MYOF: variants seen among roughly 807,000 people sequenced by gnomAD.
MYOF encodes fer-1-like 3, myoferlin.
A neutral mutation model predicts 284.2 loss-of-function variants in MYOF; 244 were observed. That is an observed-to-expected ratio of 0.86 (90% CI 0.77 to 0.95). The LOEUF (loss-of-function observed/expected upper bound fraction) is 0.95. Ranked by LOEUF, MYOF falls within the 40% of genes least tolerant of loss-of-function variation. The pLI is 0.00. For missense variants in MYOF, 2,496 were observed against 2,560.6 expected (o/e 0.97, Z 0.54); for synonymous variants, 904 against 919.7 (o/e 0.98, Z 0.31).
intron 18 of MYOF, among the ~76,000 whole-genome samples, chr10:93,388,188 C>G (rs1053087336): frequency 9.3e-5 from 12 of 128,900 alleles, no homozygotes; most frequent in African/African-American, 3.3e-4. Flanking sequence ...AAACCATGCT[C>G]TAGCTCCAGA....
chr10:93,328,105 C>T (rs1690492596), intron 45 of MYOF, among the ~76,000 whole-genome samples: 2 of 152,158 alleles, frequency 1.3e-5, no homozygotes, highest in South Asian at 4.1e-4. Context: ...ACGAATCAAG[C>T]TGAGGAGCAG....
At chr10:93,335,836 C>A (rs1843575481) in intron 41 of MYOF, 85 bp downstream of exon 41, 1 of 1,501,894 alleles carries the variant, frequency 6.7e-7, no homozygotes, top group Non-Finnish European at 8.9e-7. Flanking sequence ...ATGTGCCCCT[C>A]CCTAGAGCCT....
Position 93,310,552 on chromosome 10 carries a change from G to A in MYOF, c.5981C>T (p.Pro1994Leu). Residue 1994 changes from proline (P) to leucine (L), a missense_variant, in exon 52 of 54, where the codon CCC becomes CTC. Transcript: ENST00000359263. The stretch of plus-strand genomic sequence containing the variant: ...CTCTCACTTTGGTAAGTCCAGCTTG[G>A]GGTTCATGTTGGGTTCGTCCCGCCC... ...GKGRDEPNMN[P>L]KLDLPNRPET... 6.2e-7 allele frequency: 1 copy of A among 1,613,692 alleles called. No homozygotes were observed. Among genetic ancestry groups the A allele is most frequent in the Non-Finnish European group, 8.5e-7 (1 of 1,179,820 alleles).
chr10:93,391,851 G>A (rs1360444484), intron 17 of MYOF, among the ~76,000 whole-genome samples: 1 of 152,156 alleles, frequency 6.6e-6, no homozygotes, highest in Non-Finnish European at 1.5e-5. Flanking sequence ...TCCCCTTCAT[G>A]TTTTGGATTC....
At chr10:93,458,090 C>T (rs757200425) in intron 1 of MYOF, among the ~76,000 whole-genome samples, 18 of 151,994 alleles carry the variant, frequency 1.2e-4, no homozygotes, top group African/African-American at 2.7e-4. Flanking sequence ...AGGTGGTGCA[C>T]GCCTGTAATC....
intron 17 of MYOF, among the ~76,000 whole-genome samples, chr10:93,390,108 T>G (rs1428261902): frequency 6.6e-6 from 1 of 152,236 alleles, no homozygotes; most frequent in African/African-American, 2.4e-5. Flanking sequence ...CTGCTATCGA[T>G]GAGGTTGACC....
intron 1 of MYOF, among the ~76,000 whole-genome samples, chr10:93,467,732 C>T (rs538841693): frequency 1.2e-3 from 179 of 152,278 alleles, no homozygotes; most frequent in African/African-American, 4.2e-3. Flanking sequence ...CCCAAATGTC[C>T]AACAACGATA....
chr10:93,314,598 C>T (rs1315882171), intron 50 of MYOF, among the ~76,000 whole-genome samples: 1 of 152,192 alleles, frequency 6.6e-6, no homozygotes, highest in Non-Finnish European at 1.5e-5. Context: ...GGCTCAGGGA[C>T]TACCCTTCAG....
At chr10:93,450,616 C>T (rs762531461) in intron 3 of MYOF, among the ~76,000 whole-genome samples, 3 of 152,066 alleles carry the variant, frequency 2.0e-5, no homozygotes, top group Admixed American at 6.6e-5. Context: ...AACCCAGCCA[C>T]GTTGACTGCA....
At chr10:93,360,162 T>C (rs787634) in intron 28 of MYOF, among the ~76,000 whole-genome samples, 184 bp from the exon 29 acceptor site, 45,835 of 152,194 alleles carry the variant, frequency 0.3, 7,923 homozygotes, top group Non-Finnish European at 0.4. Context: ...TCATTCCCAT[T>C]CAGCTCCTCA....
In MYOF at chr10:93,323,148, T is replaced by C. The variant is rs751994192; in HGVS notation, c.5386A>G (p.Asn1796Asp). The C allele has an allele frequency of 1.2e-6, 2 of 1,614,018 alleles. No individual in the cohort carries two copies. Among genetic ancestry groups the C allele is most frequent in the African/African-American group, 2.7e-5 (2 of 74,932 alleles). Residue 1796 changes from asparagine to aspartate, a missense_variant, in exon 48 of 54, where the codon AAC becomes GAC. This residue lies in a region of MYOF where 2,436 missense variants were observed against 2,480.7 expected (regional missense o/e 0.98). Coordinates refer to ENST00000359263, the MANE Select transcript of MYOF (RefSeq NM_013451.4). ...TCGTCCAAGATAACGTCCTTGGTGT[T>C]CCAGATGATCACACGCAGGTAGTAT... The part of the protein sequence containing the change: ...KKYYLRVIIW[N>D]TKDVILDEKS...
rs898243705 is a variant in MYOF at position 93,401,549 on chromosome 10, TA to T, written c.991-6del. On this transcript the variant is annotated splice_polypyrimidine_tract_variant and splice_region_variant and intron_variant, in intron 11 of 53. Coordinates refer to ENST00000359263, the MANE Select transcript of MYOF (RefSeq NM_013451.4). ...ATCACGATCTCGTCTCTCAGGCTAT[TA>T]GGGGCACATGATTTAAATTATACAT... 3 of 1,613,752 alleles carry T rather than the reference TA, an allele frequency of 1.9e-6. No homozygotes were observed. Among genetic ancestry groups the T allele is most frequent in the Admixed American group, 1.7e-5 (1 of 59,964 alleles).
At chr10:93,353,953 A>C in intron 31 of MYOF, 65 bp from the exon 32 acceptor site, 1 of 1,290,404 alleles carries the variant, frequency 7.7e-7, no homozygotes, top group Non-Finnish European at 1.1e-6. Context: ...TTTTACTGGA[A>C]TATTTGGAAA....
At chr10:93,425,734 T>G in intron 5 of MYOF, 1 of 293,222 alleles carries the variant, frequency 3.4e-6, no homozygotes, top group Non-Finnish European at 6.5e-6. Flanking sequence ...GGCCACTCCT[T>G]GAGCCAAACA....
intron 3 of MYOF, among the ~76,000 whole-genome samples, chr10:93,448,838 T>C (rs1304041659): frequency 6.6e-6 from 1 of 152,036 alleles, no homozygotes; most frequent in Non-Finnish European, 1.5e-5. Context: ...CTGCTAAAAA[T>C]ACAAAAATTA....
At chr10:93,424,590 G>T (rs1483265620) in intron 5 of MYOF, among the ~76,000 whole-genome samples, 1 of 152,212 alleles carries the variant, frequency 6.6e-6, no homozygotes, top group Non-Finnish European at 1.5e-5. Flanking sequence ...AGGGCGATGG[G>T]CAGAGCATGC....
chr10:93,351,875 G>A (rs1197875704), intron 32 of MYOF, 29 bp from the exon 33 acceptor site: 11 of 1,558,782 alleles, frequency 7.1e-6, no homozygotes, highest in Non-Finnish European at 9.5e-6. Context: ...ATAACAACGG[G>A]GCCACGGCTA....
At position 93,333,595 on chromosome 10, in the gene MYOF, G is replaced by A. The variant is rs1843447388; in HGVS notation, c.4719+163C>T. 3.9e-5 allele frequency among the ~76,000 whole-genome samples: 6 copies of A among 152,300 alleles called. No individual in the cohort carries two copies. The South Asian group carries it at 1.2e-3, about 32-fold the overall frequency. On this transcript the variant is annotated intron_variant, in intron 42 of 53. Coordinates refer to ENST00000359263, the MANE Select transcript of MYOF (RefSeq NM_013451.4). ...ACCTTAAGCCCCCCGCAAGCTCTTA[G>A]ATAAATCCCCATGGGGACAATCCTC...
At chr10:93,412,866 C>T (rs1847958611) in intron 5 of MYOF, among the ~76,000 whole-genome samples, 1 of 152,172 alleles carries the variant, frequency 6.6e-6, no homozygotes, top group African/African-American at 2.4e-5. Context: ...TCCTCCCAAC[C>T]TTGGCACCAG....
Sources: allele counts gnomAD v4.1 joint callset (sites outside exome capture counted in the v4.1 genomes callset), GRCh38; gene constraint gnomAD v4.1.1; regional missense constraint gnomAD v4.1.1; transcripts MANE v1.5; gene names NCBI Gene and HGNC (gene_info 2026-07-23, HGNC 2026-07-21).